The following TNFRSF14 variants were observed in gnomAD, a reference collection of about 807,000 sequenced individuals.
The protein encoded by TNFRSF14 is TNF receptor superfamily member 14.
A neutral mutation model predicts 34.1 loss-of-function variants in TNFRSF14; 18 were observed. The observed-to-expected ratio is 0.53, with a 90% confidence interval of 0.36 to 0.78. TNFRSF14 has a LOEUF of 0.78. Ranked by LOEUF, TNFRSF14 falls within the 30% of genes least tolerant of loss-of-function variation. TNFRSF14 has a pLI of 0.00. For synonymous variants in TNFRSF14, 157 were observed against 153.2 expected (o/e 1.02, Z -0.18); for missense variants, 352 against 379.5 (o/e 0.93, Z 0.60).
chr1:2,557,882 A>C (rs768911978), intron 2 of TNFRSF14, 48 bp downstream of exon 2: 4 of 1,455,272 alleles, frequency 2.7e-6, no homozygotes, highest in East Asian at 2.5e-5. Context: ...GAGGGCAGAC[A>C]CTCTTGCCCC....
In TNFRSF14 at chr1:2,559,814, G is replaced by A; in HGVS notation, c.305-9G>A. The A allele has an allele frequency of 6.2e-7, 1 of 1,604,758 alleles. No homozygotes were observed. The highest frequency in any genetic ancestry group is 8.5e-7 in the Non-Finnish European group (1 of 1,177,050). On this transcript the variant is annotated splice_polypyrimidine_tract_variant and intron_variant, in intron 3 of 7. Transcript: ENST00000355716. ...CGTACCCCTCTCAGCCCCTCCTCTTGGACTCCAGCCATGGGCCTGCGCGCG... is the reference window on the plus strand; with the variant it reads ...CGTACCCCTCTCAGCCCCTCCTCTTAGACTCCAGCCATGGGCCTGCGCGCG...
At chr1:2,560,124 T>A (rs549270551) in intron 4 of TNFRSF14, 146 bp downstream of exon 4, 1 of 1,275,400 alleles carries the variant, frequency 7.8e-7, no homozygotes, top group South Asian at 1.6e-5. Flanking sequence ...CCCACCCACT[T>A]CAGCCCTGTC....
Position 2,561,418 on chromosome 1 carries a change from C to G in TNFRSF14, c.552-255C>G. The G allele has an allele frequency of 2.8e-6, 4 of 1,405,658 alleles. No homozygotes were observed. The highest frequency in any genetic ancestry group is 3.8e-6 in the Non-Finnish European group (4 of 1,052,766). The allele number at this position is 1,405,658 out of a possible 1,614,324, so 87.1% of individuals were successfully genotyped here. A position where few individuals can be genotyped will look rare whatever the true frequency, so the allele number is the denominator to read the frequency against. ...TGCCTCCCGCTTCTCTCCCCTCTCC[C>G]TCTGCCGTCCTGTCTCCTTTGCCCA... is the stretch of plus-strand genomic sequence containing the variant. On this transcript the variant is annotated intron_variant, in intron 5 of 7. Coordinates refer to ENST00000355716, the MANE Select transcript of TNFRSF14 (RefSeq NM_003820.4). The surrounding 1 kb of genome is among the most constrained non-coding windows in gnomAD (Gnocchi z 6.0).
chr1:2,558,626 C>T lies in TNFRSF14; in HGVS notation c.304+158C>T, dbSNP rs1644255430. The T allele has an allele frequency of 3.6e-6, 5 of 1,406,390 alleles. No homozygotes were observed. In the South Asian group the frequency reaches 3.9e-5, roughly 11 times the overall value. 87.1% of individuals were successfully genotyped at this position (1,406,390 alleles called of 1,614,324 possible). ...CCATGGATGCACCCTGCAGGGGACG[C>T]CTTGAGGTCAGCCTCCGGCCCCCGT... On this transcript the variant is annotated intron_variant, in intron 3 of 7. Transcript: ENST00000355716.
intron 3 of TNFRSF14, 112 bp downstream of exon 3, chr1:2,558,580 G>A: frequency 6.4e-7 from 1 of 1,563,548 alleles, no homozygotes; most frequent in Non-Finnish European, 8.6e-7. Context: ...GGCTGCCCCA[G>A]GCCAGGTCCC....
Position 2,561,143 on chromosome 1 carries a change from C to T in TNFRSF14, c.551+429C>T, listed in dbSNP as rs1296721119. ...ATGCTGACCCTGGGCCCCTAACTGACCTGAGACTTCAGAGCTTCTTGGGAG... is the reference window on the plus strand; with the variant it reads ...ATGCTGACCCTGGGCCCCTAACTGATCTGAGACTTCAGAGCTTCTTGGGAG... On this transcript the variant is annotated intron_variant, in intron 5 of 7. Coordinates refer to ENST00000355716, the MANE Select transcript of TNFRSF14 (RefSeq NM_003820.4). The surrounding 1 kb of genome is among the most constrained non-coding windows in gnomAD (Gnocchi z 6.0). 1 of 341,880 alleles carries T rather than the reference C, an allele frequency of 2.9e-6. No homozygotes were observed. The highest frequency in any genetic ancestry group is 4.7e-5 in the East Asian group (1 of 21,288). 21.2% of individuals were successfully genotyped at this position (341,880 alleles called of 1,614,324 possible).
At chr1:2,559,292 C>G (rs1370192166) in intron 3 of TNFRSF14, 13 of 1,366,772 alleles carry the variant, frequency 9.5e-6, no homozygotes, top group Non-Finnish European at 1.3e-5. Flanking sequence ...CACCTGTCTA[C>G]TTGGGCTGAG....
At position 2,558,407 on chromosome 1, in the gene TNFRSF14, C is replaced by A; in HGVS notation, c.243C>A (p.Gly81=). 6.2e-7 allele frequency: 1 copy of A among 1,613,450 alleles called. No homozygotes were observed. Among genetic ancestry groups the A allele is most frequent in the Non-Finnish European group, 8.5e-7 (1 of 1,179,832 alleles). ...TGTVCEPCPP[G]TYIAHLNGLS... is the part of the protein sequence containing the mutation. ...CAGTGTGTGAACCCTGCCCTCCAGGCACCTACATTGCCCACCTCAATGGCC... is the reference window on the plus strand; with the variant it reads ...CAGTGTGTGAACCCTGCCCTCCAGGAACCTACATTGCCCACCTCAATGGCC... Residue 81 remains glycine (G), a synonymous_variant, in exon 3 of 8, where the codon GGC becomes GGA. Transcript: ENST00000355716.
At chr1:2,560,013 C>T (rs759374517) in intron 4 of TNFRSF14, 35 bp downstream of exon 4, 139 of 1,495,098 alleles carry the variant, frequency 9.3e-5, no homozygotes, top group Non-Finnish European at 1.2e-4. Flanking sequence ...CTCCCATTTC[C>T]ACCCTGGTCC....
intron 5 of TNFRSF14, chr1:2,560,922 A>G (rs1315232574): frequency 3.5e-6 from 2 of 568,910 alleles, no homozygotes; most frequent in Non-Finnish European, 6.3e-6. Flanking sequence ...ACAAAGCCTC[A>G]TCAGATCTGA....
chr1:2,557,471 G>A (rs1304017973), intron 1 of TNFRSF14, among the ~76,000 whole-genome samples: 4 of 152,116 alleles, frequency 2.6e-5, no homozygotes, highest in Non-Finnish European at 5.9e-5. Context: ...CGAGGGCAGA[G>A]TTCCAGTTCC....
At chr1:2,559,506 G>T (rs1463657798) in intron 3 of TNFRSF14, 1 of 1,478,682 alleles carries the variant, frequency 6.8e-7, no homozygotes, top group Non-Finnish European at 9.0e-7. Context: ...CTGCCTGCGG[G>T]ACCCTGCCCT....
chr1:2,559,102 A>G (rs997231010), intron 3 of TNFRSF14: 1 of 1,366,014 alleles, frequency 7.3e-7, no homozygotes, highest in Non-Finnish European at 9.7e-7. Context: ...CCTGCGGGAC[A>G]GGGCTGACGG....
chr1:2,558,892 C>T (rs1261015339), intron 3 of TNFRSF14: 9 of 1,349,026 alleles, frequency 6.7e-6, no homozygotes, highest in African/African-American at 2.9e-5. Flanking sequence ...TATTGGTTCC[C>T]CCTGTGACCT....
Position 2,556,654 on chromosome 1 carries a change from G to A in TNFRSF14, c.-11G>A, listed in dbSNP as rs1644218356. ...AGCTGGGTTCCCGAGCTGCCGGTCTGAGCCTGAGGCATGGAGCCTCCTGGA... is the reference window on the plus strand; with the variant it reads ...AGCTGGGTTCCCGAGCTGCCGGTCTAAGCCTGAGGCATGGAGCCTCCTGGA... On this transcript the variant is annotated 5_prime_UTR_variant, in exon 1 of 8. An upstream open reading frame in the 5' UTR loses its in-frame stop. Transcript: ENST00000355716. 6.2e-7 allele frequency: 1 copy of A among 1,609,454 alleles called. No homozygotes were observed. Among genetic ancestry groups the A allele is most frequent in the Non-Finnish European group, 8.5e-7 (1 of 1,177,938 alleles).
chr1:2,559,770 G>A (rs1306835748), intron 3 of TNFRSF14, 53 bp from the exon 4 acceptor site: 2 of 1,566,540 alleles, frequency 1.3e-6, no homozygotes, highest in Middle Eastern at 1.7e-4. Flanking sequence ...CTGGCCCGTG[G>A]ATGGTGTCCC....
chr1:2,560,519 C>T (rs890527156), intron 4 of TNFRSF14, 105 bp from the exon 5 acceptor site: 25 of 802,252 alleles, frequency 3.1e-5, no homozygotes, highest in Non-Finnish European at 3.8e-5. Flanking sequence ...TCCCATCACC[C>T]GTAGAGCACC....
chr1:2,559,482 C>T (rs1364119022), intron 3 of TNFRSF14: 23 of 1,445,190 alleles, frequency 1.6e-5, no homozygotes, highest in African/African-American at 2.8e-5. Flanking sequence ...TGGGTGGGCA[C>T]GTGGGGCGAG....
At chr1:2,556,358 G>A (rs1389942051), upstream of TNFRSF14, 7 of 641,874 alleles carry the variant, frequency 1.1e-5, no homozygotes, top group Admixed American at 4.2e-5. Flanking sequence ...CCCTCCCATC[G>A]GGCGCCTCCT....
Sources: gnomAD v4.1 joint callset for allele counts (sites outside exome capture counted in the v4.1 genomes callset) on GRCh38, gnomAD v4.1.1 for gene constraint, Gnocchi (gnomAD v3.1) non-coding constraint, MANE v1.5 for transcripts, NCBI Gene and HGNC (gene_info 2026-07-23, HGNC 2026-07-21) for gene names.